Variants in USP20 observed in about 807,000 individuals in gnomAD.
The protein encoded by USP20 is ubiquitin specific peptidase 20.
In USP20, 80 loss-of-function variants were observed where a neutral mutation model predicts 124.2. That is an observed-to-expected ratio of 0.64 (90% CI 0.54 to 0.78). The LOEUF (loss-of-function observed/expected upper bound fraction) is 0.78, where lower values mean the gene tolerates loss of function less well. Among genes scored for constraint, USP20 ranks in the 30% least tolerant of loss-of-function variants. The pLI is 0.00. For synonymous variants in USP20, 481 were observed against 512.3 expected (o/e 0.94, Z 0.83); for missense variants, 1,043 against 1,244.4 (o/e 0.84, Z 2.44).
intron 19 of USP20, among the ~76,000 whole-genome samples, 167 bp downstream of exon 19, chr9:129,875,122 C>G (rs1269837910): frequency 6.6e-6 from 1 of 152,192 alleles, no homozygotes; most frequent in Admixed American, 6.5e-5. Flanking sequence ...CCCAGGAAGG[C>G]AGCTTGGAGC....
Position 129,868,217 on chromosome 9 carries a change from C to T in USP20, c.903C>T (p.Gly301=), listed in dbSNP as rs769402512. 16 of 1,613,642 alleles carry T rather than the reference C, an allele frequency of 9.9e-6. No individual in the cohort carries two copies. The highest frequency in any genetic ancestry group is 7.7e-5 in the South Asian group (7 of 91,066). ...GTGAGGGTGACGGGCAGGGGCGTGG[C>T]GGGGGCAGCTCGCAGGCCGAGACGG... ...DRGEGDGQGR[G]GGSSQAETEL... is the part of the protein sequence containing the mutation. Residue 301 remains glycine, a synonymous_variant, in exon 11 of 26, where the codon GGC becomes GGT. Transcript: ENST00000372429.
intron 1 of USP20, among the ~76,000 whole-genome samples, chr9:129,841,062 C>T (rs2032180226): frequency 6.6e-6 from 1 of 152,202 alleles, no homozygotes; most frequent in African/African-American, 2.4e-5. Flanking sequence ...TGAGCCATCA[C>T]TCCCGGCCTA....
Position 129,873,489 on chromosome 9 carries a change from C to T in USP20, c.1668C>T (p.Asn556=), listed in dbSNP as rs560720862. ...FFAADELKGD[N]MYSCERCKKL... is the part of the protein sequence containing the mutation. ...TTTGTTTTACTGCCCTAGGTGACAA[C>T]ATGTACAGCTGTGAGCGGTGTAAGA... Residue 556 remains asparagine (N), a synonymous_variant, in exon 16 of 26, where the codon AAC becomes AAT. Coordinates refer to ENST00000372429, the MANE Select transcript of USP20 (RefSeq NM_001110303.4). The T allele has an allele frequency of 1.2e-6, 2 of 1,614,218 alleles. No individual in the cohort carries two copies. The highest frequency in any genetic ancestry group is 2.2e-5 in the South Asian group (2 of 91,090).
chr9:129,874,442 C>A (rs571976530), intron 17 of USP20, 134 bp from the exon 18 acceptor site: 3 of 1,187,704 alleles, frequency 2.5e-6, no homozygotes, highest in African/African-American at 3.0e-5. Context: ...GTCTGGCCCC[C>A]ACGTGGAACT....
intron 22 of USP20, among the ~76,000 whole-genome samples, chr9:129,877,250 G>A (rs2034447386): frequency 6.6e-6 from 1 of 152,220 alleles, no homozygotes; most frequent in African/African-American, 2.4e-5. Context: ...TGGGCATGGT[G>A]GCTCACGCCT....
chr9:129,848,283 C>T (rs1015528327), intron 1 of USP20, among the ~76,000 whole-genome samples: 2 of 151,612 alleles, frequency 1.3e-5, no homozygotes, highest in Non-Finnish European at 2.9e-5. Flanking sequence ...GCAACAAGAG[C>T]GAAACTCCAT....
At chr9:129,862,824 T>C (rs2033618129) in intron 8 of USP20, among the ~76,000 whole-genome samples, 1 of 151,942 alleles carries the variant, frequency 6.6e-6, no homozygotes, top group Non-Finnish European at 1.5e-5. Flanking sequence ...GAGAAGCACT[T>C]GAACCCGGGA....
Position 129,878,455 on chromosome 9 carries a change from GA to G in USP20, c.2512+16del. 1.3e-6 allele frequency: 2 copies of G among 1,582,564 alleles called. No individual in the cohort carries two copies. Among genetic ancestry groups the G allele is most frequent in the Non-Finnish European group, 1.7e-6 (2 of 1,161,116 alleles). On this transcript the variant is annotated intron_variant, in intron 23 of 25. Transcript: ENST00000372429. ...GAAGGACAACGGTGAGCTGAGGGGG[GA>G]CCTGGCACTTACCTGCCCTGGGGGC...
Position 129,865,297 on chromosome 9 carries a change from C to G in USP20, c.612-6C>G. The G allele has an allele frequency of 1.2e-6, 2 of 1,614,048 alleles. No individual in the cohort carries two copies. Among genetic ancestry groups the G allele is most frequent in the Non-Finnish European group, 1.7e-6 (2 of 1,179,908 alleles). On this transcript the variant is annotated splice_polypyrimidine_tract_variant and splice_region_variant and intron_variant, in intron 9 of 25. Coordinates refer to ENST00000372429, the MANE Select transcript of USP20 (RefSeq NM_001110303.4). Reference sequence around the variant, plus strand: ...ACCTGGACTAATGGGTTTGGGCTTCCTACAGGCCAAGCTACGTGGTCCCCA... The same window carrying G: ...ACCTGGACTAATGGGTTTGGGCTTCGTACAGGCCAAGCTACGTGGTCCCCA...
In USP20 at chr9:129,869,006, C is replaced by CG; in HGVS notation, c.1276+10dup. The stretch of plus-strand genomic sequence containing the variant: ...CCGTCGTACGTGCTCAAGAAAGGTT[C>CG]GGGGGGCACGGGAGGGTGGGTCAGC... On this transcript the variant is annotated splice_donor_region_variant and intron_variant, in intron 12 of 25. Coordinates refer to ENST00000372429, the MANE Select transcript of USP20 (RefSeq NM_001110303.4). 6.3e-7 allele frequency: 1 copy of CG among 1,580,318 alleles called. No individual in the cohort carries two copies.
At position 129,858,674 on chromosome 9, in the gene USP20, G is replaced by A. The variant is rs538017151; in HGVS notation, c.330+76G>A. The A allele has an allele frequency of 2.1e-4, 323 of 1,571,326 alleles. 2 individuals are homozygous for A. The South Asian group carries it at 2.6e-3, about 13-fold the overall frequency. ...ATGAGGCAGTGTGACCTGAGCATCC[G>A]TGGAGCATGGGGCAGTAGGTCCCAG... On this transcript the variant is annotated intron_variant, in intron 6 of 25. Coordinates refer to ENST00000372429, the MANE Select transcript of USP20 (RefSeq NM_001110303.4).
At chr9:129,850,634 G>A (rs2032861545) in intron 2 of USP20, among the ~76,000 whole-genome samples, 1 of 151,882 alleles carries the variant, frequency 6.6e-6, no homozygotes, top group African/African-American at 2.4e-5. Context: ...TGCAGCTTCT[G>A]CCTTTGTTTT....
At chr9:129,844,122 G>A (rs2032396299) in intron 1 of USP20, among the ~76,000 whole-genome samples, 1 of 151,992 alleles carries the variant, frequency 6.6e-6, no homozygotes, top group Non-Finnish European at 1.5e-5. Context: ...TCTTTATAAT[G>A]GCAAAACACA....
intron 3 of USP20, among the ~76,000 whole-genome samples, chr9:129,853,914 G>C (rs542947133): frequency 4.3e-4 from 65 of 152,266 alleles, no homozygotes; most frequent in African/African-American, 1.5e-3. Context: ...CTCTGGGGCT[G>C]TGTGTCAGAG....
intron 6 of USP20, 66 bp downstream of exon 6, chr9:129,858,664 C>T: frequency 6.3e-7 from 1 of 1,585,230 alleles, no homozygotes; most frequent in Non-Finnish European, 8.6e-7. Context: ...GCAGTGTGAC[C>T]TGAGCATCCG....
intron 8 of USP20, among the ~76,000 whole-genome samples, chr9:129,862,487 A>G (rs887430723): frequency 4.1e-4 from 60 of 145,388 alleles, no homozygotes; most frequent in African/African-American, 1.5e-3. Flanking sequence ...CGGGAGGCGG[A>G]GGTTGCAGTG....
At position 129,835,512 on chromosome 9, in the gene USP20, C is replaced by T. The variant is rs1446314711; in HGVS notation, c.-129+13C>T. The T allele has an allele frequency of 2.6e-5, 8 of 301,926 alleles. No homozygotes were observed. In the East Asian group the frequency reaches 4.2e-4, roughly 16 times the overall value. The allele number at this position is 301,926 out of a possible 1,614,324, so 18.7% of individuals were successfully genotyped here. ...GTTGCGAGTGCAGGTGAGTTCCGGG[C>T]CGCCACCGGCTGCTTCTGTGGGCCG... On this transcript the variant is annotated intron_variant, in intron 1 of 25. Transcript: ENST00000372429.
At chr9:129,880,347 A>C in intron 25 of USP20, 58 bp downstream of exon 25, 2 of 1,492,972 alleles carry the variant, frequency 1.3e-6, no homozygotes, top group Non-Finnish European at 1.8e-6. Flanking sequence ...CACTCTCCAG[A>C]GACCCTCACA....
intron 10 of USP20, among the ~76,000 whole-genome samples, chr9:129,867,054 C>T (rs1055512680): frequency 7.2e-5 from 11 of 152,206 alleles, no homozygotes; most frequent in African/African-American, 2.2e-4. Context: ...CTGGCTGCTA[C>T]GTGACCCCTG....
Sources: gnomAD v4.1 joint callset for allele counts (sites outside exome capture counted in the v4.1 genomes callset) on GRCh38, gnomAD v4.1.1 for gene constraint, MANE v1.5 for transcripts, NCBI Gene and HGNC (gene_info 2026-07-23, HGNC 2026-07-21) for gene names.